CEP131: variants seen among roughly 807,000 people sequenced by gnomAD.
CEP131 encodes centrosomal protein 131.
In CEP131, 99 loss-of-function variants were observed where a neutral mutation model predicts 136.8. That is an observed-to-expected ratio of 0.72 (90% CI 0.62 to 0.86). CEP131 has a LOEUF of 0.86. Ranked by LOEUF, CEP131 falls within the 40% of genes least tolerant of loss-of-function variation. CEP131 has a pLI of 0.00. For synonymous variants in CEP131, 646 were observed against 612.7 expected, an observed-to-expected ratio of 1.05 and a Z score of -0.80; for missense variants, 1,459 against 1,463.0, an observed-to-expected ratio of 1.00 and a Z score of 0.04.
chr17:81,192,722 C>G lies in CEP131; in HGVS notation c.2429+14G>C. 6.5e-7 allele frequency: 1 copy of G among 1,533,748 alleles called. No homozygotes were observed. The highest frequency in any genetic ancestry group is 8.9e-7 in the Non-Finnish European group (1 of 1,126,180). On this transcript the variant is annotated intron_variant, in intron 19 of 25. Transcript: ENST00000450824. ...GGGGTCCCTGGGAGAGGGCGTGGTG[C>G]CCCCGGGCGGCACCTGGCTGCCTGC... is the stretch of plus-strand genomic sequence containing the variant.
rs1468362865 is a variant in CEP131, at chr17:81,196,944, G to A, written c.1759C>T (p.Leu587=). The A allele has an allele frequency of 1.2e-6, 2 of 1,609,512 alleles. No individual in the cohort carries two copies. The highest frequency in any genetic ancestry group is 1.3e-5 in the African/African-American group (1 of 74,866). The part of the protein sequence containing the change: ...VEEKKQAMLL[L]QRALAQQRDL... ...AGCAGCGTTACCAGCGCTCTCTGCAGCAGCAGCATGGCCTGCTTCTTCTCC... is the reference window on the plus strand; with the variant it reads ...AGCAGCGTTACCAGCGCTCTCTGCAACAGCAGCATGGCCTGCTTCTTCTCC... The change falls in exon 14 of 26, where the codon CTG becomes TTG. Residue 587 remains leucine (L), a synonymous_variant. Transcript: ENST00000450824.
chr17:81,192,685 G>GGGGGGGGGGGCCCCCCCC, intron 19 of CEP131, 51 bp downstream of exon 19: 1 of 478,434 alleles, frequency 2.1e-6, no homozygotes, highest in Non-Finnish European at 4.1e-6. Context: ...GGGGGGAGGG[G>GGGGGGGGGGGCCCCCCCC]TCAGCCAGCG....
At chr17:81,197,502 TGA>T (rs1567856460) in intron 13 of CEP131, 1 of 742,586 alleles carries the variant, frequency 1.3e-6, no homozygotes, top group Admixed American at 3.2e-5. Flanking sequence ...ACCTCCACCC[TGA>T]GAGACCCGTG....
In CEP131 at chr17:81,192,630, C is replaced by T. The variant is rs369555972; in HGVS notation, c.2430-37G>A. 1.2e-4 allele frequency: 173 copies of T among 1,433,392 alleles called. No homozygotes were observed. The Middle Eastern group carries it at 1.6e-3, about 13-fold the overall frequency. 88.8% of individuals were successfully genotyped at this position (1,433,392 alleles called of 1,614,324 possible). A position where few individuals can be genotyped will look rare whatever the true frequency, so the allele number is the denominator to read the frequency against. ...GAGGAGTCAGCAGGTGAGGGGTCAT[C>T]GAGTAAGGAGTCAGGGATGGGAGAG... On this transcript the variant is annotated intron_variant, in intron 19 of 25. Coordinates refer to ENST00000450824, the MANE Select transcript of CEP131 (RefSeq NM_014984.4).
chr17:81,212,321 C>A (rs370701015), intron 2 of CEP131, among the ~76,000 whole-genome samples: 139 of 134,986 alleles, frequency 1.0e-3, no homozygotes, highest in Admixed American at 1.3e-3. Flanking sequence ...GATTCCCTCT[C>A]AAAAAAAAAA....
chr17:81,196,499 G>A (rs1006902747), intron 15 of CEP131, among the ~76,000 whole-genome samples: 3 of 152,222 alleles, frequency 2.0e-5, no homozygotes, highest in Non-Finnish European at 2.9e-5. Flanking sequence ...CACACGGGGC[G>A]GCTCTGGATA....
At position 81,191,301 on chromosome 17, in the gene CEP131, C is replaced by T; in HGVS notation, c.2657G>A (p.Arg886Lys). The change falls in exon 22 of 26, where the codon AGG (arginine) becomes AAG (lysine). Residue 886 changes from arginine (R) to lysine (K), a missense_variant. Transcript: ENST00000450824. ...AWLLNREQEL[R>K]EEIRKGRDKE... ...GTCCCGGCCTTTCCGGATTTCTTCCCTCAGCTCCTGTTCCCGGTTCAGCAG... is the reference window on the plus strand; with the variant it reads ...GTCCCGGCCTTTCCGGATTTCTTCCTTCAGCTCCTGTTCCCGGTTCAGCAG... 2 of 1,613,402 alleles carry T rather than the reference C, an allele frequency of 1.2e-6. No homozygotes were observed. Among genetic ancestry groups the T allele is most frequent in the Non-Finnish European group, 1.7e-6 (2 of 1,179,958 alleles).
rs539316532 is a variant in CEP131 at position 81,220,796 on chromosome 17, C to T, written c.-17-723G>A. On this transcript the variant is annotated intron_variant, in intron 1 of 25. Coordinates refer to ENST00000450824, the MANE Select transcript of CEP131 (RefSeq NM_014984.4). Reference sequence around the variant, plus strand: ...GATTACAGGCATGAGCCACCGTACCCGGCCCCTAAGTAAAAATACACATTT... The same window carrying T: ...GATTACAGGCATGAGCCACCGTACCTGGCCCCTAAGTAAAAATACACATTT... 1.5e-3 allele frequency among the ~76,000 whole-genome samples: 227 copies of T among 152,048 alleles called. 2 individuals are homozygous for T. The South Asian group carries it at 0.03, about 20-fold the overall frequency.
At position 81,199,716 on chromosome 17, in the gene CEP131, C is replaced by T. The variant is rs1326024986; in HGVS notation, c.1023+3G>A. On this transcript the variant is annotated splice_donor_region_variant and intron_variant, in intron 9 of 25. Transcript: ENST00000450824. ...TGCTCAGTGGTCCCTGCGCGGTCAG[C>T]ACCTGAATGGCTGCTCGCCTGGCTT... is the stretch of plus-strand genomic sequence containing the variant. 3 of 1,608,288 alleles carry T rather than the reference C, an allele frequency of 1.9e-6. No individual in the cohort carries two copies. Among genetic ancestry groups the T allele is most frequent in the Non-Finnish European group, 2.5e-6 (3 of 1,179,892 alleles).
chr17:81,222,134 C>A (rs1018854336), intron 1 of CEP131, among the ~76,000 whole-genome samples: 1 of 152,250 alleles, frequency 6.6e-6, no homozygotes, highest in Admixed American at 6.5e-5. Context: ...GCCACACTTG[C>A]AAGCGGCTCT....
chr17:81,207,556 C>T (rs999162783), intron 3 of CEP131, among the ~76,000 whole-genome samples: 7 of 151,652 alleles, frequency 4.6e-5, no homozygotes, highest in African/African-American at 1.5e-4. Flanking sequence ...GGCTATGTTG[C>T]CCAGGCTGGT....
chr17:81,212,919 A>T (rs972660854), intron 2 of CEP131, among the ~76,000 whole-genome samples: 15 of 152,218 alleles, frequency 9.9e-5, no homozygotes, highest in African/African-American at 3.1e-4. Flanking sequence ...TTGGCTGAGA[A>T]GACCAGAAAC....
At position 81,189,898 on chromosome 17, in the gene CEP131, T is replaced by C. The variant is rs1252879777; in HGVS notation, c.3168+17A>G. ...TCCCAGCCCCGAGGTCCAGCAGGGC[T>C]GGCCACAGGGACTCACCTCATGTTG... On this transcript the variant is annotated intron_variant, in intron 25 of 25. Transcript: ENST00000450824. 5.6e-6 allele frequency: 9 copies of C among 1,612,680 alleles called. No individual in the cohort carries two copies. The African/African-American group carries it at 1.1e-4, about 19-fold the overall frequency.
chr17:81,205,751 T>C (rs1454382388), intron 5 of CEP131, among the ~76,000 whole-genome samples: 1 of 151,930 alleles, frequency 6.6e-6, no homozygotes, highest in Non-Finnish European at 1.5e-5. Context: ...ATTTAAAAAT[T>C]AGCCAGGAGT....
Position 81,196,780 on chromosome 17 carries a change from T to C in CEP131, c.1820A>G (p.Lys607Arg). The C allele has an allele frequency of 6.3e-7, 1 of 1,588,532 alleles. No homozygotes were observed. The highest frequency in any genetic ancestry group is 8.6e-7 in the Non-Finnish European group (1 of 1,168,436). ...LTARRVKETE[K>R]ALSRQLQRQR... The stretch of plus-strand genomic sequence containing the variant: ...CCGCTGCAGCTGCCGGCTCAGCGCC[T>C]TCTCTGTCTCCTTGACCCGCCGGGC... The change falls in exon 15 of 26, where the codon AAG becomes AGG. Residue 607 changes from lysine to arginine, a missense_variant. Around this residue, in one of 3 missense-constraint regions of CEP131, gnomAD observed 1,026 missense variants for 964.2 expected, o/e 1.06. Transcript: ENST00000450824.
intron 7 of CEP131, among the ~76,000 whole-genome samples, chr17:81,201,328 G>A (rs967836412): frequency 6.6e-6 from 1 of 152,168 alleles, no homozygotes; most frequent in African/African-American, 2.4e-5. Context: ...CCAGGAGCAG[G>A]CTCCGAAAGT....
At position 81,194,886 on chromosome 17, in the gene CEP131, C is replaced by T. The variant is rs1300023858; in HGVS notation, c.2103G>A (p.Lys701=). Residue 701 remains lysine (K), a synonymous_variant, in exon 17 of 26, where the codon AAG becomes AAA. Coordinates refer to ENST00000450824, the MANE Select transcript of CEP131 (RefSeq NM_014984.4). ...AGGGCCCACCTCGGACAGTGACCTC[C>T]TTGATCTTCTTGGTTTTCTCACTGA... The part of the protein sequence containing the change: ...KWISEKTKKI[K]EVTVRGLEPE... The T allele has an allele frequency of 6.2e-7, 1 of 1,613,416 alleles. No homozygotes were observed. Among genetic ancestry groups the T allele is most frequent in the Non-Finnish European group, 8.5e-7 (1 of 1,179,948 alleles).
Position 81,222,916 on chromosome 17 carries a change from C to T in CEP131, c.-165G>A, listed in dbSNP as rs1188413910. 4 of 152,298 alleles carry T rather than the reference C, an allele frequency of 2.6e-5. No individual in the cohort carries two copies. The highest frequency in any genetic ancestry group is 2.6e-4 in the Admixed American group (4 of 15,294). 9.4% of individuals were successfully genotyped at this position (152,298 alleles called of 1,614,324 possible). On this transcript the variant is annotated 5_prime_UTR_variant, in exon 1 of 26. Coordinates refer to ENST00000450824, the MANE Select transcript of CEP131 (RefSeq NM_014984.4). ...GCCACCCCCAACACTGCCCCGAGGC[C>T]CGGTGACAATGAAGCGGCCGGACGG...
chr17:81,201,510 T>C lies in CEP131; in HGVS notation c.788+730A>G, dbSNP rs1417553491. Among the ~76,000 whole-genome samples the C allele has an allele frequency of 2.0e-5, 3 of 152,224 alleles. No homozygotes were observed. The East Asian group carries it at 5.8e-4, about 29-fold the overall frequency. On this transcript the variant is annotated intron_variant, in intron 7 of 25. Transcript: ENST00000450824. ...ACAGCCCCTGGAGCTTTGGGTGTTG[T>C]TGGCTTTTTTCAGTTCTGTATCTTC...
Sources: gnomAD v4.1 joint callset for allele counts (sites outside exome capture counted in the v4.1 genomes callset) on GRCh38, gnomAD v4.1.1 for gene constraint, gnomAD v4.1.1 regional missense constraint, MANE v1.5 for transcripts, NCBI Gene and HGNC (gene_info 2026-07-23, HGNC 2026-07-21) for gene names.